Variants in UCK2 observed in about 807,000 individuals in gnomAD.
The protein encoded by UCK2 is cytidine monophosphokinase 2.
In UCK2, 6 loss-of-function variants were observed where a neutral mutation model predicts 30.8. The ratio of observed to expected loss-of-function variants is 0.19; its 90% CI spans 0.11 to 0.38. The LOEUF (loss-of-function observed/expected upper bound fraction) is 0.38. Ranked by LOEUF, UCK2 falls within the 10% of genes least tolerant of loss-of-function variation. UCK2 has a pLI of 1.00. For missense variants in UCK2, 210 were observed against 339.8 expected (o/e 0.62, Z 3.00); for synonymous variants, 125 against 133.6 (o/e 0.94, Z 0.45).
chr1:165,887,719 G>A (rs1375028496), intron 1 of UCK2, among the ~76,000 whole-genome samples: 1 of 152,004 alleles, frequency 6.6e-6, no homozygotes, highest in Non-Finnish European at 1.5e-5. Flanking sequence ...GAAATTGAGG[G>A]CCTACAGGTG....
chr1:165,831,123 A>G (rs1273865341), intron 1 of UCK2, among the ~76,000 whole-genome samples: 2 of 151,604 alleles, frequency 1.3e-5, no homozygotes, highest in East Asian at 3.9e-4. Flanking sequence ...AAACCAAAAA[A>G]GGTTATGGCT....
At position 165,890,259 on chromosome 1, in the gene UCK2, G is replaced by A. The variant is rs756183550; in HGVS notation, c.155G>A (p.Arg52His). The A allele has an allele frequency of 6.8e-6, 11 of 1,613,906 alleles. No individual in the cohort carries two copies. Among genetic ancestry groups the A allele is most frequent in the Admixed American group, 6.7e-5 (4 of 59,988 alleles). ...CTGGGGCAGAATGAGGTGGACTATCGCCAGAAGCAGGTGGTCATCCTGAGC... is the reference window on the plus strand; with the variant it reads ...CTGGGGCAGAATGAGGTGGACTATCACCAGAAGCAGGTGGTCATCCTGAGC... ...QLLGQNEVDY[R>H]QKQVVILSQD... is the part of the protein sequence containing the mutation. Residue 52 changes from arginine (R) to histidine (H), a missense_variant, in exon 2 of 7, where the codon CGC becomes CAC. By Grantham distance (29) the Arg-to-His change is conservative (BLOSUM62 0). Around this residue, in one of 4 missense-constraint regions of UCK2, gnomAD observed 75 missense variants for 124.7 expected, o/e 0.60. Coordinates refer to ENST00000367879, the MANE Select transcript of UCK2 (RefSeq NM_012474.5).
chr1:165,838,206 G>A (rs1654241880), intron 1 of UCK2, among the ~76,000 whole-genome samples: 1 of 152,158 alleles, frequency 6.6e-6, no homozygotes, highest in Non-Finnish European at 1.5e-5. Context: ...GTTGTCTCCT[G>A]ACCCATCTCC....
rs555239139 is a variant in UCK2, at chr1:165,871,729, TA to T, written c.100-18464del. Reference sequence around the variant, plus strand: ...AGTTGAGAAGATAACAGAGGGAAGTTAAAAAAAAAAATCTTTGGTTGAGGAA... The same window carrying T: ...AGTTGAGAAGATAACAGAGGGAAGTTAAAAAAAAAATCTTTGGTTGAGGAA... On this transcript the variant is annotated intron_variant, in intron 1 of 6. Transcript: ENST00000367879. 9.5e-3 allele frequency among the ~76,000 whole-genome samples: 1,400 copies of T among 147,878 alleles called. 20 individuals are homozygous for T. The highest frequency in any genetic ancestry group is 0.033 in the African/African-American group (1,325 of 40,700).
At chr1:165,875,926 C>T (rs1304048246) in intron 1 of UCK2, among the ~76,000 whole-genome samples, 1 of 152,084 alleles carries the variant, frequency 6.6e-6, no homozygotes, top group Non-Finnish European at 1.5e-5. Flanking sequence ...GTTTGAGACC[C>T]ACAATCTGAA....
intron 1 of UCK2, among the ~76,000 whole-genome samples, chr1:165,839,507 C>T (rs1654273327): frequency 6.6e-6 from 1 of 151,866 alleles, no homozygotes; most frequent in Non-Finnish European, 1.5e-5. Context: ...CCATGAGGCT[C>T]TTCTTGCTGG....
chr1:165,883,337 A>G (rs185666778), intron 1 of UCK2, among the ~76,000 whole-genome samples: 36 of 152,302 alleles, frequency 2.4e-4, no homozygotes, highest in Non-Finnish European at 4.3e-4. Flanking sequence ...GTGCCCAGCT[A>G]AAATTCAAGG....
At chr1:165,862,619 C>G (rs897019736) in intron 1 of UCK2, among the ~76,000 whole-genome samples, 3 of 152,178 alleles carry the variant, frequency 2.0e-5, no homozygotes, top group African/African-American at 7.2e-5. Context: ...TTTTTGACTT[C>G]CGTATAGTAG....
At chr1:165,848,666 A>C (rs1314697859) in intron 1 of UCK2, among the ~76,000 whole-genome samples, 3 of 151,926 alleles carry the variant, frequency 2.0e-5, no homozygotes, top group African/African-American at 4.8e-5. Context: ...ACACCCACAC[A>C]CACACACACA....
At chr1:165,850,841 C>G (rs1278374004) in intron 1 of UCK2, among the ~76,000 whole-genome samples, 13 of 150,886 alleles carry the variant, frequency 8.6e-5, no homozygotes, top group Admixed American at 6.6e-4. Flanking sequence ...CCAGGATGGT[C>G]TTGATCTCCT....
intron 1 of UCK2, among the ~76,000 whole-genome samples, chr1:165,852,190 A>G (rs1432915896): frequency 6.6e-6 from 1 of 152,186 alleles, no homozygotes; most frequent in African/African-American, 2.4e-5. Context: ...ACTAATTACA[A>G]CAAAAGCCAA....
rs1281894538 is a variant in UCK2 at position 165,880,434 on chromosome 1, T to C, written c.100-9770T>C. Among the ~76,000 whole-genome samples the C allele has an allele frequency of 2.0e-5, 3 of 152,146 alleles. No individual in the cohort carries two copies. In the South Asian group the frequency reaches 6.2e-4, roughly 32 times the overall value. ...GGGAAAGAAATAGACCCAGCCTCAC[T>C]TGCACCCACAAGTCAGTAATAATTA... On this transcript the variant is annotated intron_variant, in intron 1 of 6. Coordinates refer to ENST00000367879, the MANE Select transcript of UCK2 (RefSeq NM_012474.5).
intron 1 of UCK2, among the ~76,000 whole-genome samples, chr1:165,840,744 C>T (rs565653724): frequency 1.1e-4 from 17 of 152,258 alleles, no homozygotes; most frequent in South Asian, 4.1e-4. Context: ...TAGGCCTTAG[C>T]GATCCTTTCC....
chr1:165,869,607 T>TA (rs543245659), intron 1 of UCK2, among the ~76,000 whole-genome samples: 22 of 146,502 alleles, frequency 1.5e-4, no homozygotes, highest in South Asian at 4.3e-4. Context: ...GTTTCTTTCT[T>TA]AAAAAAAAAA....
rs1460819685 is a variant in UCK2 at position 165,908,389 on chromosome 1, G to A, written c.*566G>A. The A allele has an allele frequency of 6.6e-6, 1 of 151,046 alleles. No homozygotes were observed. The highest frequency in any genetic ancestry group is 2.4e-5 in the African/African-American group (1 of 41,074). The allele number at this position is 151,046 out of a possible 1,614,324, so 9.4% of individuals were successfully genotyped here. A position where few individuals can be genotyped will look rare whatever the true frequency, so the allele number is the denominator to read the frequency against. Reference sequence around the variant, plus strand: ...GCCACTCTTGGAGCTGGAGCTTAGTGATATGTCAATGAGAGATACTCTTGT... The same window carrying A: ...GCCACTCTTGGAGCTGGAGCTTAGTAATATGTCAATGAGAGATACTCTTGT... On this transcript the variant is annotated 3_prime_UTR_variant, in exon 7 of 7. Transcript: ENST00000367879.
At chr1:165,865,864 GA>G (rs1370230877) in intron 1 of UCK2, among the ~76,000 whole-genome samples, 1 of 152,206 alleles carries the variant, frequency 6.6e-6, no homozygotes, top group Non-Finnish European at 1.5e-5. Context: ...AACAGTGACA[GA>G]ACTCAGGCCA....
At chr1:165,902,636 T>G in intron 4 of UCK2, 1 of 116,978 alleles carries the variant, frequency 8.5e-6, no homozygotes, top group Non-Finnish European at 1.7e-5. Flanking sequence ...CCTCTGTGCA[T>G]GAGGTAGGTG....
chr1:165,908,714 A>G lies in UCK2; in HGVS notation c.*891A>G, dbSNP rs1395192941. 1 of 152,270 alleles carries G rather than the reference A, an allele frequency of 6.6e-6. No individual in the cohort carries two copies. The highest frequency in any genetic ancestry group is 1.5e-5 in the Non-Finnish European group (1 of 68,102). The allele number at this position is 152,270 out of a possible 1,614,324, so 9.4% of individuals were successfully genotyped here. The stretch of plus-strand genomic sequence containing the variant: ...AGAGGGCAGAACTTTGCCTGCTGTC[A>G]TATCTGAAGAATCACTGGTTCTTTC... On this transcript the variant is annotated 3_prime_UTR_variant, in exon 7 of 7. Transcript: ENST00000367879.
intron 1 of UCK2, among the ~76,000 whole-genome samples, chr1:165,861,068 G>T (rs1220472152): frequency 6.6e-6 from 1 of 152,156 alleles, no homozygotes; most frequent in Non-Finnish European, 1.5e-5. Flanking sequence ...TAGATTCAGT[G>T]TCTGGTGGGG....
Sources: allele counts gnomAD v4.1 joint callset (sites outside exome capture counted in the v4.1 genomes callset), GRCh38; gene constraint gnomAD v4.1.1; regional missense constraint gnomAD v4.1.1; transcripts MANE v1.5; gene names NCBI Gene and HGNC (gene_info 2026-07-23, HGNC 2026-07-21).